LRRC4C: variants seen among roughly 807,000 people sequenced by gnomAD.
LRRC4C encodes leucine rich repeat containing 4C.
Under a neutral mutation model 33.6 loss-of-function variants are expected in LRRC4C, and 5 were observed. The ratio of observed to expected loss-of-function variants is 0.15; its 90% CI spans 0.08 to 0.31. LRRC4C has a LOEUF of 0.31. LRRC4C is among the 10% of genes least tolerant of loss of function. The pLI, the probability that LRRC4C is intolerant of heterozygous loss-of-function variation, is 1.00. For missense variants in LRRC4C, 560 were observed against 796.7 expected (o/e 0.70, Z 3.58); for synonymous variants, 329 against 302.0 (o/e 1.09, Z -0.93).
intron 2 of LRRC4C, among the ~76,000 whole-genome samples, chr11:40,665,308 TAA>T (rs55827045): frequency 0.16 from 6,890 of 41,856 alleles, 547 homozygotes; most frequent in Non-Finnish European, 0.21. Flanking sequence ...ATTGCTTTCT[TAA>T]AAAAAAAAAA....
At chr11:40,307,939 A>G (rs1945120671) in intron 4 of LRRC4C, among the ~76,000 whole-genome samples, 1 of 152,212 alleles carries the variant, frequency 6.6e-6, no homozygotes, top group African/African-American at 2.4e-5. Context: ...TTCTCTTTGC[A>G]CATGTAGGAA....
intron 3 of LRRC4C, among the ~76,000 whole-genome samples, chr11:40,627,276 C>A (rs61886761): frequency 0.44 from 64,854 of 146,104 alleles, 15,326 homozygotes; most frequent in Middle Eastern, 0.57. Context: ...AGAGAGAGAG[C>A]GAGAGAGAGA....
intron 3 of LRRC4C, among the ~76,000 whole-genome samples, chr11:40,498,205 C>T (rs888932599): frequency 1.3e-5 from 2 of 152,060 alleles, no homozygotes; most frequent in Admixed American, 6.6e-5. Flanking sequence ...CCTAAAGTTG[C>T]CCCCTAAATA....
At chr11:41,397,213 A>G (rs1953853628) in intron 1 of LRRC4C, among the ~76,000 whole-genome samples, 1 of 151,876 alleles carries the variant, frequency 6.6e-6, no homozygotes, top group African/African-American at 2.4e-5. Flanking sequence ...ACTTATACAC[A>G]AAGTTTTTCA....
At chr11:40,167,102 G>A (rs1008825915) in intron 5 of LRRC4C, among the ~76,000 whole-genome samples, 3 of 152,126 alleles carry the variant, frequency 2.0e-5, no homozygotes, top group South Asian at 2.1e-4. Context: ...AATCCTGACC[G>A]TTGGCCTTAT....
At chr11:40,800,651 CT>C in intron 2 of LRRC4C, among the ~76,000 whole-genome samples, 1 of 152,272 alleles carries the variant, frequency 6.6e-6, no homozygotes, top group Admixed American at 6.5e-5. Flanking sequence ...ATTAGTCAAT[CT>C]GCCTGTACCT....
chr11:41,379,138 A>G (rs1359313338), intron 1 of LRRC4C, among the ~76,000 whole-genome samples: 3 of 152,142 alleles, frequency 2.0e-5, no homozygotes, highest in Non-Finnish European at 4.4e-5. Context: ...AAGAGAAAAA[A>G]GAATTATAAT....
chr11:40,435,021 A>G, intron 3 of LRRC4C, among the ~76,000 whole-genome samples: 1 of 152,162 alleles, frequency 6.6e-6, no homozygotes, highest in East Asian at 1.9e-4. Context: ...CCAAATCACA[A>G]GGGCATTCTT....
chr11:40,880,029 A>G (rs566518974), intron 2 of LRRC4C, among the ~76,000 whole-genome samples: 42 of 152,166 alleles, frequency 2.8e-4, no homozygotes, highest in African/African-American at 7.9e-4. Context: ...AACAGGCAAC[A>G]TGGCTTCTGT....
chr11:41,123,256 G>GTTTT lies in LRRC4C; in HGVS notation c.-495-189537_-495-189534dup, dbSNP rs1456350828. On this transcript the variant is annotated intron_variant, in intron 1 of 6. Transcript: ENST00000528697. ...AAATGCTTTCTCTATCCTGAGCTAT[G>GTTTT]TTTTGTTTTTTTTTTTTTTTTTTTT... Among the ~76,000 whole-genome samples the GTTTT allele has an allele frequency of 6.7e-3, 717 of 107,054 alleles. 73 individuals are homozygous for GTTTT. Among genetic ancestry groups the GTTTT allele is most frequent in the African/African-American group, 0.013 (336 of 25,304 alleles). 70.2% of individuals were successfully genotyped at this position (107,054 alleles called of 152,430 possible). A position where few individuals can be genotyped will look rare whatever the true frequency, so the allele number is the denominator to read the frequency against.
intron 2 of LRRC4C, among the ~76,000 whole-genome samples, chr11:40,748,466 T>C (rs1215384688): frequency 1.3e-5 from 2 of 151,742 alleles, no homozygotes; most frequent in Non-Finnish European, 2.9e-5. Flanking sequence ...CTAGAAAGTA[T>C]AAAACTAACT....
intron 2 of LRRC4C, among the ~76,000 whole-genome samples, chr11:40,861,658 G>T (rs1442579664): frequency 3.4e-4 from 51 of 152,178 alleles, no homozygotes; most frequent in Admixed American, 3.3e-3. Flanking sequence ...GTGTTAGTTT[G>T]TTACGCATTG....
chr11:40,968,879 A>T (rs1346331294), intron 1 of LRRC4C, among the ~76,000 whole-genome samples: 2 of 152,190 alleles, frequency 1.3e-5, no homozygotes, highest in Non-Finnish European at 2.9e-5. Context: ...CTAACACAAC[A>T]TTCATTCTGT....
intron 3 of LRRC4C, among the ~76,000 whole-genome samples, chr11:40,560,362 C>T (rs959678857): frequency 6.6e-6 from 1 of 152,076 alleles, no homozygotes; most frequent in South Asian, 2.1e-4. Context: ...TAAATATTCA[C>T]GGACTTCCTA....
At chr11:40,246,217 A>G (rs1219949720) in intron 4 of LRRC4C, among the ~76,000 whole-genome samples, 3 of 151,970 alleles carry the variant, frequency 2.0e-5, no homozygotes, top group African/African-American at 7.3e-5. Flanking sequence ...CAGGTGATAC[A>G]CCTGCCTCAG....
chr11:41,176,238 A>C (rs1172123531), intron 1 of LRRC4C, among the ~76,000 whole-genome samples: 2 of 152,200 alleles, frequency 1.3e-5, no homozygotes, highest in African/African-American at 4.8e-5. Flanking sequence ...AACCTGGTTC[A>C]TTTTAGTAGA....
At chr11:40,700,978 C>T (rs966048323) in intron 2 of LRRC4C, among the ~76,000 whole-genome samples, 48 of 152,104 alleles carry the variant, frequency 3.2e-4, no homozygotes, top group Non-Finnish European at 6.5e-4. Flanking sequence ...TACATATTTT[C>T]GTTTTTCCCT....
chr11:40,830,569 A>C (rs577662428), intron 2 of LRRC4C, among the ~76,000 whole-genome samples: 8 of 152,196 alleles, frequency 5.3e-5, no homozygotes, highest in Non-Finnish European at 1.0e-4. Flanking sequence ...CTTTACGAAA[A>C]ATAAAAGAAA....
chr11:41,153,245 A>T (rs1292088918), intron 1 of LRRC4C, among the ~76,000 whole-genome samples: 1 of 152,170 alleles, frequency 6.6e-6, no homozygotes, highest in Non-Finnish European at 1.5e-5. Flanking sequence ...GTGCTGCCAT[A>T]GCCTCAGTTA....
Sources: allele counts gnomAD v4.1 joint callset (sites outside exome capture counted in the v4.1 genomes callset), GRCh38; gene constraint gnomAD v4.1.1; transcripts MANE v1.5; gene names NCBI Gene and HGNC (gene_info 2026-07-23, HGNC 2026-07-21).